Variants in HPF1 observed in about 807,000 individuals in gnomAD.
HPF1 encodes the protein histone PARylation factor 1.
In HPF1, 35 loss-of-function variants were observed where a neutral mutation model predicts 38.8. The observed-to-expected ratio is 0.90, with a 90% CI of 0.69 to 1.19. HPF1 has a LOEUF of 1.19. Ranked by LOEUF, HPF1 falls within the 50% of genes most tolerant of loss-of-function variation. The pLI is 0.00. For synonymous variants in HPF1, 115 were observed against 139.2 expected (o/e 0.83, Z 1.22); for missense variants, 367 against 405.8 (o/e 0.90, Z 0.82).
rs1384441903 is a variant in HPF1 at position 169,750,589 on chromosome 4, G to A, written c.345C>T (p.Phe115=). 6.2e-7 allele frequency: 1 copy of A among 1,612,946 alleles called. No homozygotes were observed. Among genetic ancestry groups the A allele is most frequent in the African/African-American group, 1.3e-5 (1 of 74,876 alleles). The change falls in exon 3 of 8, where the codon TTC becomes TTT. Residue 115 remains phenylalanine, a synonymous_variant. Transcript: ENST00000393381. ...HWRFYYDPPE[F]QTIIIGDNKT... is the part of the protein sequence containing the mutation. ...TATTATCTCCAATAATAATGGTCTGGAACTCAGGAGGATCATAGTAAAACC... is the reference window on the plus strand; with the variant it reads ...TATTATCTCCAATAATAATGGTCTGAAACTCAGGAGGATCATAGTAAAACC...
At chr4:169,734,142 G>A (rs576722482) in intron 6 of HPF1, among the ~76,000 whole-genome samples, 14 of 152,202 alleles carry the variant, frequency 9.2e-5, no homozygotes, top group African/African-American at 3.1e-4. Flanking sequence ...CATATTTGTT[G>A]GTTTGAAACC....
At chr4:169,740,070 G>A (rs1733951064) in intron 5 of HPF1, among the ~76,000 whole-genome samples, 1 of 152,064 alleles carries the variant, frequency 6.6e-6, no homozygotes, top group African/African-American at 2.4e-5. Flanking sequence ...TATAGGGGTG[G>A]GTGACATCCT....
chr4:169,757,734 T>G lies in HPF1; in HGVS notation c.48+96A>C, dbSNP rs1032684000. On this transcript the variant is annotated intron_variant, in intron 1 of 7. Coordinates refer to ENST00000393381, the MANE Select transcript of HPF1 (RefSeq NM_017867.3). ...CGCAGCCCCTGGACACACAGCAAGC[T>G]TAATAGTCACTGGATGAATGAAAAG... The G allele has an allele frequency of 2.5e-5, 30 of 1,198,932 alleles. 1 individual carries two copies. The African/African-American group carries it at 4.1e-4, about 16-fold the overall frequency. The allele number at this position is 1,198,932 out of a possible 1,614,324, so 74.3% of individuals were successfully genotyped here.
At chr4:169,752,111 T>A (rs1734126932) in intron 2 of HPF1, among the ~76,000 whole-genome samples, 1 of 152,130 alleles carries the variant, frequency 6.6e-6, no homozygotes, top group Non-Finnish European at 1.5e-5. Flanking sequence ...TTCTTTTTTC[T>A]GTTCTAAAAT....
In HPF1 at chr4:169,750,578, A is replaced by G. The variant is rs1442671450; in HGVS notation, c.356T>C (p.Ile119Thr). The change falls in exon 3 of 8, where the codon ATT becomes ACT. Residue 119 changes from isoleucine to threonine, a missense_variant. Coordinates refer to ENST00000393381, the MANE Select transcript of HPF1 (RefSeq NM_017867.3). The part of the protein sequence containing the change: ...YYDPPEFQTI[I>T]IGDNKTQYHM... ...GTACTGAGTTTTATTATCTCCAATAATAATGGTCTGGAACTCAGGAGGATC... is the reference window on the plus strand; with the variant it reads ...GTACTGAGTTTTATTATCTCCAATAGTAATGGTCTGGAACTCAGGAGGATC... The G allele has an allele frequency of 6.2e-7, 1 of 1,611,408 alleles. No homozygotes were observed. Among genetic ancestry groups the G allele is most frequent in the East Asian group, 2.2e-5 (1 of 44,854 alleles).
In HPF1 at chr4:169,745,051, C is replaced by A. The variant is rs72696695; in HGVS notation, c.498-2944G>T. ...GGCACAACCATGGCTGCGGGATGAC[C>A]CCACAGAGCTGGCTCTCAACTCACT... On this transcript the variant is annotated intron_variant, in intron 4 of 7. Coordinates refer to ENST00000393381, the MANE Select transcript of HPF1 (RefSeq NM_017867.3). 4.6e-3 allele frequency among the ~76,000 whole-genome samples: 704 copies of A among 152,228 alleles called. 6 individuals carry two copies. The highest frequency in any genetic ancestry group is 0.032 in the South Asian group (156 of 4,818).
intron 3 of HPF1, 113 bp from the exon 4 acceptor site, chr4:169,748,955 G>T: frequency 1.1e-5 from 6 of 564,894 alleles, no homozygotes; most frequent in East Asian, 3.4e-5. Context: ...CCTTTTTGGA[G>T]GCCTTTTTTT....
At chr4:169,752,448 T>C (rs1199444953) in intron 2 of HPF1, among the ~76,000 whole-genome samples, 3 of 152,198 alleles carry the variant, frequency 2.0e-5, no homozygotes, top group Non-Finnish European at 4.4e-5. Context: ...CAGTGCCTAC[T>C]AGTTAAAAAA....
In HPF1 at chr4:169,751,275, C is replaced by T. The variant is rs141791829; in HGVS notation, c.209-550G>A. ...AAAATTAGCCGGGTGTGGTGGCTCA[C>T]GCCTGTAATCCCAGCTATTGGAGAG... On this transcript the variant is annotated intron_variant, in intron 2 of 7. Coordinates refer to ENST00000393381, the MANE Select transcript of HPF1 (RefSeq NM_017867.3). Among the ~76,000 whole-genome samples, 1,110 of 151,984 alleles carry T rather than the reference C, an allele frequency of 7.3e-3. 11 individuals carry two copies. The highest frequency in any genetic ancestry group is 0.046 in the South Asian group (222 of 4,792).
intron 6 of HPF1, among the ~76,000 whole-genome samples, chr4:169,736,933 C>T (rs1733903673): frequency 6.6e-6 from 1 of 152,150 alleles, no homozygotes; most frequent in Non-Finnish European, 1.5e-5. Context: ...TTTATACTTA[C>T]AGATGACGTA....
chr4:169,756,381 A>G (rs185966618), intron 1 of HPF1, among the ~76,000 whole-genome samples: 3 of 152,362 alleles, frequency 2.0e-5, no homozygotes, highest in Admixed American at 2.0e-4. Flanking sequence ...GAACAGTAGG[A>G]ACATATGAAG....
At chr4:169,754,180 T>C (rs1734154241) in intron 1 of HPF1, among the ~76,000 whole-genome samples, 1 of 152,236 alleles carries the variant, frequency 6.6e-6, no homozygotes. Flanking sequence ...GTGTGAGTCT[T>C]TTAAACAGAT....
intron 3 of HPF1, among the ~76,000 whole-genome samples, chr4:169,749,720 C>CAAAAAAAAAAA (rs11413826): frequency 2.4e-5 from 3 of 127,288 alleles, no homozygotes; most frequent in Admixed American, 8.1e-5. Flanking sequence ...TACTCAAATA[C>CAAAAAAAAAAA]AAAAAAAAAA....
At chr4:169,749,200 T>C (rs961834136) in intron 3 of HPF1, among the ~76,000 whole-genome samples, 79 of 152,286 alleles carry the variant, frequency 5.2e-4, no homozygotes, top group African/African-American at 1.9e-3. Context: ...AAAAATTCCA[T>C]CACTAAAGTA....
At chr4:169,739,181 A>G (rs1432285387) in intron 5 of HPF1, among the ~76,000 whole-genome samples, 2 of 152,238 alleles carry the variant, frequency 1.3e-5, no homozygotes, top group Non-Finnish European at 2.9e-5. Context: ...GGTAAATTTT[A>G]AAAAATAATT....
chr4:169,737,680 C>G lies in HPF1; in HGVS notation c.716G>C (p.Arg239Pro). ...VPVDKNDVGY[R>P]ELPETDADLK... ...ATTACCATCTGTTTCAGGGAGCTCT[C>G]GGTACCCAACATCATTTTTATCTAC... The change falls in exon 6 of 8, where the codon CGA (arginine) becomes CCA (proline). Residue 239 changes from arginine (R) to proline (P), a missense_variant. Physicochemically the swap from Arg to Pro is moderately radical, Grantham distance 103. Coordinates refer to ENST00000393381, the MANE Select transcript of HPF1 (RefSeq NM_017867.3). 1 of 1,608,098 alleles carries G rather than the reference C, an allele frequency of 6.2e-7. No homozygotes were observed. The highest frequency in any genetic ancestry group is 8.5e-7 in the Non-Finnish European group (1 of 1,174,794).
At chr4:169,741,860 G>A (rs1466590353) in intron 5 of HPF1, 97 bp downstream of exon 5, 5 of 977,348 alleles carry the variant, frequency 5.1e-6, no homozygotes, top group Non-Finnish European at 7.7e-6. Context: ...CTTAAGATAG[G>A]ACTAGGGAAG....
intron 5 of HPF1, 62 bp downstream of exon 5, chr4:169,741,895 G>A (rs1733973658): frequency 2.2e-6 from 3 of 1,376,044 alleles, no homozygotes; most frequent in Non-Finnish European, 1.0e-6. Flanking sequence ...GAGATGGGAA[G>A]GAATCAAGAG....
Position 169,757,835 on chromosome 4 carries a change from G to T in HPF1, c.43C>A (p.Pro15Thr), listed in dbSNP as rs1238169385. The T allele has an allele frequency of 6.4e-7, 1 of 1,562,394 alleles. No individual in the cohort carries two copies. The highest frequency in any genetic ancestry group is 8.6e-7 in the Non-Finnish European group (1 of 1,160,940). Residue 15 changes from proline to threonine, a missense_variant, in exon 1 of 8, where the codon CCG becomes ACG. Pro to Thr is a conservative substitution (Grantham distance 38, BLOSUM62 -1). Coordinates refer to ENST00000393381, the MANE Select transcript of HPF1 (RefSeq NM_017867.3). ...CACAGCCTTTCCGGCAGTACCTGCG[G>T]CCCCTCTCCGCCGGGCCTGCGCTTC... Reference protein sequence around the residue: ...GGKRRPGGEGPQCEKTTDVKK... With the variant: ...GGKRRPGGEGTQCEKTTDVKK...
Sources: allele counts gnomAD v4.1 joint callset (sites outside exome capture counted in the v4.1 genomes callset), GRCh38; gene constraint gnomAD v4.1.1; transcripts MANE v1.5; gene names NCBI Gene and HGNC (gene_info 2026-07-23, HGNC 2026-07-21).